TXNDC16: variants seen among roughly 807,000 people sequenced by gnomAD.
TXNDC16 encodes the protein thioredoxin domain containing 16, also known as thioredoxin domain-containing protein 16.
In TXNDC16, 74 loss-of-function variants were observed where a neutral mutation model predicts 85.6. The ratio of observed to expected loss-of-function variants is 0.86; its 90% confidence interval spans 0.72 to 1.05. The LOEUF is 1.05. TXNDC16 is among the 50% of genes least tolerant of loss of function. TXNDC16 has a pLI of 0.00. For synonymous variants in TXNDC16, 335 were observed against 326.5 expected, an observed-to-expected ratio of 1.03 and a Z score of -0.28; for missense variants, 959 against 947.0, an observed-to-expected ratio of 1.01 and a Z score of -0.17.
chr14:52,451,495 A>C (rs77909877), intron 18 of TXNDC16, among the ~76,000 whole-genome samples: 1 of 152,136 alleles, frequency 6.6e-6, no homozygotes, highest in East Asian at 1.9e-4. Context: ...AAGATCATTG[A>C]TCATGTCCAT....
At chr14:52,500,335 T>C (rs977220414) in intron 9 of TXNDC16, among the ~76,000 whole-genome samples, 8 of 152,220 alleles carry the variant, frequency 5.3e-5, no homozygotes, top group Non-Finnish European at 8.8e-5. Flanking sequence ...GACATTATTC[T>C]AAGTGAAATA....
In TXNDC16 at chr14:52,431,436, A is replaced by G; in HGVS notation, c.*868T>C. 6.6e-6 allele frequency: 1 copy of G among 152,240 alleles called. No homozygotes were observed. Among genetic ancestry groups the G allele is most frequent in the Non-Finnish European group, 1.5e-5 (1 of 68,040 alleles). The allele number at this position is 152,240 out of a possible 1,614,324, so 9.4% of individuals were successfully genotyped here. The stretch of plus-strand genomic sequence containing the variant: ...TCACTTTCTGAAAATATTAGAAAAG[A>G]TCAAGTTGTATCCAGGTAATAATCA... On this transcript the variant is annotated 3_prime_UTR_variant, in exon 21 of 21. Transcript: ENST00000281741.
At chr14:52,447,250 G>A (rs1178964490) in intron 18 of TXNDC16, among the ~76,000 whole-genome samples, 1 of 152,262 alleles carries the variant, frequency 6.6e-6, no homozygotes, top group East Asian at 1.9e-4. Flanking sequence ...GGCCTTAAGA[G>A]AACATGAGCA....
chr14:52,521,271 C>A (rs1461600956), intron 6 of TXNDC16, among the ~76,000 whole-genome samples: 2 of 144,042 alleles, frequency 1.4e-5, no homozygotes, highest in Admixed American at 7.1e-5. Context: ...CACCCCCACG[C>A]CTGGCTATTT....
At chr14:52,502,588 G>C (rs543089962) in intron 9 of TXNDC16, among the ~76,000 whole-genome samples, 28 of 152,274 alleles carry the variant, frequency 1.8e-4, no homozygotes, top group Middle Eastern at 6.8e-3. Flanking sequence ...TAATACTACA[G>C]GGGGGTGGAG....
intron 13 of TXNDC16, 90 bp from the exon 14 acceptor site, chr14:52,482,379 T>C: frequency 9.5e-7 from 1 of 1,056,324 alleles, no homozygotes; most frequent in East Asian, 2.5e-5. Context: ...ATTTATGAGG[T>C]TTCCCAAAAT....
At chr14:52,461,030 A>G (rs947726013) in intron 16 of TXNDC16, among the ~76,000 whole-genome samples, 2 of 151,536 alleles carry the variant, frequency 1.3e-5, no homozygotes, top group Non-Finnish European at 3.0e-5. Flanking sequence ...CTAACTTTCT[A>G]CAATTTATTT....
At chr14:52,521,880 C>G (rs554265907) in intron 6 of TXNDC16, among the ~76,000 whole-genome samples, 1 of 152,310 alleles carries the variant, frequency 6.6e-6, no homozygotes, top group African/African-American at 2.4e-5. Context: ...ACTAAGTAAC[C>G]TGCTCCAAAT....
At chr14:52,490,341 GCTTT>G in intron 11 of TXNDC16, 46 bp downstream of exon 11, 1 of 1,320,754 alleles carries the variant, frequency 7.6e-7, no homozygotes, top group Non-Finnish European at 1.0e-6. Context: ...ACATATATTA[GCTTT>G]CTTTAAATAA....
chr14:52,504,602 G>A (rs1437420482), intron 9 of TXNDC16, among the ~76,000 whole-genome samples: 6 of 152,212 alleles, frequency 3.9e-5, no homozygotes, highest in Admixed American at 3.9e-4. Context: ...ACCGGTACCA[G>A]CCACTGCAAA....
Position 52,432,603 on chromosome 14 carries a change from A to G in TXNDC16, c.2195-16T>C. Reference sequence around the variant, plus strand: ...GGTAAAATTGCTGGAAGGAAGAAACAATCAAAGGTTAAAGATTAACAGCTA... The same window carrying G: ...GGTAAAATTGCTGGAAGGAAGAAACGATCAAAGGTTAAAGATTAACAGCTA... On this transcript the variant is annotated splice_polypyrimidine_tract_variant and intron_variant, in intron 20 of 20. Coordinates refer to ENST00000281741, the MANE Select transcript of TXNDC16 (RefSeq NM_020784.3). 6.3e-7 allele frequency: 1 copy of G among 1,587,576 alleles called. No homozygotes were observed. The highest frequency in any genetic ancestry group is 1.4e-5 in the African/African-American group (1 of 73,794).
chr14:52,517,709 C>G (rs1239642408), intron 7 of TXNDC16, among the ~76,000 whole-genome samples: 1 of 152,060 alleles, frequency 6.6e-6, no homozygotes, highest in Non-Finnish European at 1.5e-5. Flanking sequence ...CAACTCCCCC[C>G]TTTTTCCTGT....
chr14:52,491,184 T>C (rs998272303), intron 9 of TXNDC16, among the ~76,000 whole-genome samples, 179 bp from the exon 10 acceptor site: 2 of 151,798 alleles, frequency 1.3e-5, no homozygotes, highest in African/African-American at 4.8e-5. Context: ...CTATATAGTT[T>C]TGTTTGTTTG....
At chr14:52,515,281 T>C (rs1392661819) in intron 7 of TXNDC16, among the ~76,000 whole-genome samples, 1 of 152,154 alleles carries the variant, frequency 6.6e-6, no homozygotes, top group South Asian at 2.1e-4. Flanking sequence ...ACCATACAAC[T>C]TTCATGTTAG....
chr14:52,523,421 A>G (rs1460758476), intron 6 of TXNDC16, among the ~76,000 whole-genome samples: 1 of 152,212 alleles, frequency 6.6e-6, no homozygotes, highest in Non-Finnish European at 1.5e-5. Context: ...GATACAGACA[A>G]TTTTTGTATT....
At chr14:52,486,682 G>A (rs2036280146) in intron 12 of TXNDC16, among the ~76,000 whole-genome samples, 1 of 152,076 alleles carries the variant, frequency 6.6e-6, no homozygotes, top group African/African-American at 2.4e-5. Flanking sequence ...TACAGAGGGA[G>A]GGGGAAGAAT....
Position 52,440,622 on chromosome 14 carries a change from T to C in TXNDC16, c.1945A>G (p.Ile649Val), listed in dbSNP as rs2035142815. ...TATTTCTGCTTTACCAGTGTCAATA[T>C]TGCTTTTTTATACTGAGGATTTACA... ...GTVNPQYKKAILTLVKQKYLD... is the reference protein window; with the variant it reads ...GTVNPQYKKAVLTLVKQKYLD... The change falls in exon 19 of 21, where the codon ATA becomes GTA. Residue 649 changes from isoleucine to valine, a missense_variant. Physicochemically the swap from Ile to Val is conservative, Grantham distance 29. Coordinates refer to ENST00000281741, the MANE Select transcript of TXNDC16 (RefSeq NM_020784.3). 8 of 1,610,170 alleles carry C rather than the reference T, an allele frequency of 5.0e-6. No individual in the cohort carries two copies. Among genetic ancestry groups the C allele is most frequent in the Admixed American group, 1.7e-5 (1 of 59,186 alleles).
intron 14 of TXNDC16, among the ~76,000 whole-genome samples, chr14:52,480,959 G>GTATATATATATATATGTGTA (rs1272935057): frequency 2.2e-5 from 2 of 89,542 alleles, no homozygotes; most frequent in African/African-American, 7.7e-5. Flanking sequence ...GTGTGTGTGT[G>GTATATATATATATATGTGTA]TGTATATATA....
At chr14:52,490,520 T>C (rs958931097) in intron 10 of TXNDC16, 69 bp from the exon 11 acceptor site, 130 of 1,175,376 alleles carry the variant, frequency 1.1e-4, no homozygotes, top group Admixed American at 1.3e-4. Context: ...AGGACTTCAA[T>C]AGAAAATAGA....
Sources: allele counts gnomAD v4.1 joint callset (sites outside exome capture counted in the v4.1 genomes callset), GRCh38; gene constraint gnomAD v4.1.1; transcripts MANE v1.5; gene names NCBI Gene and HGNC (gene_info 2026-07-23, HGNC 2026-07-21).